The following CRB1 variants were observed in gnomAD, a reference collection of about 807,000 sequenced individuals.
The protein encoded by CRB1 is protein crumbs homolog 1.
A neutral mutation model predicts 120.0 loss-of-function variants in CRB1; 83 were observed. The observed-to-expected ratio is 0.69, with a 90% CI of 0.58 to 0.83. The LOEUF is 0.83. Ranked by LOEUF, CRB1 falls within the 40% of genes least tolerant of loss-of-function variation. The pLI, the probability that CRB1 is intolerant of heterozygous loss-of-function variation, is 0.00. For missense variants in CRB1, 1,699 were observed against 1,687.6 expected (o/e 1.01, Z -0.12); for synonymous variants, 625 against 612.5 (o/e 1.02, Z -0.30).
chr1:197,424,282 A>C (rs1370269507), intron 6 of CRB1, among the ~76,000 whole-genome samples: 1 of 152,168 alleles, frequency 6.6e-6, no homozygotes, highest in African/African-American at 2.4e-5. Flanking sequence ...CTTATATTGA[A>C]ATAGAATAGG....
intron 3 of CRB1, among the ~76,000 whole-genome samples, chr1:197,346,986 T>A (rs1180728786): frequency 6.6e-6 from 1 of 152,180 alleles, no homozygotes; most frequent in Admixed American, 6.5e-5. Context: ...TGCTATTTAG[T>A]AGCAACATAT....
intron 9 of CRB1, 73 bp downstream of exon 9, chr1:197,435,685 A>C: frequency 7.5e-7 from 1 of 1,330,202 alleles, no homozygotes; most frequent in Non-Finnish European, 1.1e-6. Flanking sequence ...CAAATTGGAA[A>C]GCTCTCTCCT....
At chr1:197,223,282 G>A in the CRB1 span, 2 of 852,388 alleles carry the variant, frequency 2.3e-6, no homozygotes, top group South Asian at 1.4e-5. Flanking sequence ...AATTAGAAAA[G>A]GGGTTTGGAA....
chr1:197,411,334 C>T (rs1241507488), intron 5 of CRB1, among the ~76,000 whole-genome samples: 1 of 152,100 alleles, frequency 6.6e-6, no homozygotes, highest in African/African-American at 2.4e-5. Context: ...ATCCATATTT[C>T]AAAGATAAGT....
intron 5 of CRB1, among the ~76,000 whole-genome samples, chr1:197,390,841 T>G (rs930699678): frequency 2.0e-5 from 3 of 152,102 alleles, no homozygotes; most frequent in Admixed American, 1.3e-4. Context: ...GTAGAGACAT[T>G]TCCTGTTAAA....
intron 9 of CRB1, among the ~76,000 whole-genome samples, chr1:197,436,439 T>C (rs1162784233): frequency 6.6e-6 from 1 of 152,070 alleles, no homozygotes; most frequent in Non-Finnish European, 1.5e-5. Flanking sequence ...ATCCACACCA[T>C]TCAAACATGT....
chr1:197,380,470 GT>G (rs1192723092), intron 5 of CRB1, among the ~76,000 whole-genome samples: 1 of 152,130 alleles, frequency 6.6e-6, no homozygotes, highest in Non-Finnish European at 1.5e-5. Context: ...GCAGCTAAGG[GT>G]ATCCAGTATC....
At chr1:197,310,561 T>C (rs1407201831) in intron 1 of CRB1, among the ~76,000 whole-genome samples, 5 of 152,132 alleles carry the variant, frequency 3.3e-5, no homozygotes, top group Non-Finnish European at 7.4e-5. Flanking sequence ...TTGAAATGTA[T>C]TTTTACCAGA....
At chr1:197,406,237 A>T (rs909308767) in intron 5 of CRB1, among the ~76,000 whole-genome samples, 3 of 152,204 alleles carry the variant, frequency 2.0e-5, no homozygotes, top group Non-Finnish European at 4.4e-5. Flanking sequence ...ACTAAGAAAA[A>T]TTCTTCTGCC....
chr1:197,322,284 A>G (rs1658244293), intron 1 of CRB1, among the ~76,000 whole-genome samples: 1 of 151,954 alleles, frequency 6.6e-6, no homozygotes, highest in Non-Finnish European at 1.5e-5. Flanking sequence ...AGTTCGAGAC[A>G]AGCCCCATCT....
At chr1:197,293,877 T>A (rs530852837) in intron 1 of CRB1, among the ~76,000 whole-genome samples, 1 of 152,168 alleles carries the variant, frequency 6.6e-6, no homozygotes, top group Non-Finnish European at 1.5e-5. Flanking sequence ...AAGCTGAAAC[T>A]GGATCCCTTC....
At chr1:197,385,411 T>C in intron 5 of CRB1, among the ~76,000 whole-genome samples, 1 of 152,214 alleles carries the variant, frequency 6.6e-6, no homozygotes, top group Middle Eastern at 3.4e-3. Flanking sequence ...GTCTAATATG[T>C]AAGAATATAT....
intron 11 of CRB1, among the ~76,000 whole-genome samples, chr1:197,475,035 G>T (rs1248661916): frequency 6.6e-6 from 1 of 152,104 alleles, no homozygotes; most frequent in Non-Finnish European, 1.5e-5. Context: ...TGGATGGAGA[G>T]TTTGCCCTCT....
At chr1:197,393,496 C>T (rs1338273695) in intron 5 of CRB1, among the ~76,000 whole-genome samples, 2 of 150,272 alleles carry the variant, frequency 1.3e-5, no homozygotes, top group Admixed American at 6.6e-5. Context: ...GCCAGGCACT[C>T]TCATTAATTT....
At chr1:197,238,214 C>G in the CRB1 span, among the ~76,000 whole-genome samples, 1 of 151,942 alleles carries the variant, frequency 6.6e-6, no homozygotes, top group Non-Finnish European at 1.5e-5. Flanking sequence ...AGAACAAACT[C>G]TGTATAGTTT....
intron 5 of CRB1, among the ~76,000 whole-genome samples, chr1:197,396,710 A>G (rs931966193): frequency 1.2e-4 from 18 of 152,296 alleles, no homozygotes; most frequent in African/African-American, 4.3e-4. Flanking sequence ...GAATCTCTGG[A>G]GAAAAGGAAG....
chr1:197,477,759 T>C lies in CRB1; in HGVS notation c.4101T>C (p.Val1367=), dbSNP rs1326193947. The C allele has an allele frequency of 6.2e-7, 1 of 1,613,926 alleles. No individual in the cohort carries two copies. Among genetic ancestry groups the C allele is most frequent in the Admixed American group, 1.7e-5 (1 of 59,980 alleles). The change falls in exon 12 of 12, where the codon GTT becomes GTC. Residue 1367 remains valine (V), a synonymous_variant. Transcript: ENST00000367400. ...LILLLAIVAS[V]VTSNKRATQG... is the part of the protein sequence containing the mutation. The stretch of plus-strand genomic sequence containing the variant: ...TCTTGCTGGCCATTGTTGCTTCTGT[T>C]GTCACCTCCAACAAAAGGGCAACTC...
chr1:197,352,977 T>C (rs543853744), intron 4 of CRB1, among the ~76,000 whole-genome samples: 10 of 152,324 alleles, frequency 6.6e-5, no homozygotes, highest in Admixed American at 3.9e-4. Context: ...GTACTAGTGA[T>C]TGAAGGTCTA....
intron 1 of CRB1, among the ~76,000 whole-genome samples, chr1:197,316,142 C>T (rs1395910388): frequency 3.9e-5 from 6 of 152,242 alleles, no homozygotes; most frequent in South Asian, 2.1e-4. Context: ...ATCCTCATCA[C>T]ATGAGCTTTG....
Sources: gnomAD v4.1 joint callset for allele counts (sites outside exome capture counted in the v4.1 genomes callset) on GRCh38, gnomAD v4.1.1 for gene constraint, MANE v1.5 for transcripts, NCBI Gene and HGNC (gene_info 2026-07-23, HGNC 2026-07-21) for gene names.